The following ZNF385D variants were observed in gnomAD, a reference collection of about 807,000 sequenced individuals.
ZNF385D encodes the protein zinc finger protein 659.
A neutral mutation model predicts 35.8 loss-of-function variants in ZNF385D; 15 were observed. The observed-to-expected ratio is 0.42, with a 90% CI of 0.28 to 0.64. ZNF385D has a LOEUF of 0.64. ZNF385D is among the 30% of genes least tolerant of loss of function. ZNF385D has a pLI of 0.23. For missense variants in ZNF385D, 474 were observed against 494.6 expected (o/e 0.96, Z 0.39); for synonymous variants, 212 against 186.8 (o/e 1.13, Z -1.10).
chr3:21,440,471 T>C (rs1701803163), intron 4 of ZNF385D, among the ~76,000 whole-genome samples: 1 of 152,068 alleles, frequency 6.6e-6, no homozygotes, highest in Non-Finnish European at 1.5e-5. Context: ...TATCACAGTC[T>C]AGAGGAGCCT....
At chr3:21,733,036 G>T (rs894388760) in intron 1 of ZNF385D, among the ~76,000 whole-genome samples, 1 of 151,992 alleles carries the variant, frequency 6.6e-6, no homozygotes, top group Admixed American at 6.5e-5. Flanking sequence ...TTACATTTAT[G>T]TGTGTGATCC....
chr3:21,684,912 G>A (rs561785727), intron 1 of ZNF385D, among the ~76,000 whole-genome samples: 2 of 152,220 alleles, frequency 1.3e-5, no homozygotes, highest in South Asian at 4.1e-4. Context: ...TAGATGACAG[G>A]GATGCATTTT....
chr3:22,068,247 C>T (rs1157119946), intron 3 of ZNF385D, among the ~76,000 whole-genome samples: 1 of 152,150 alleles, frequency 6.6e-6, no homozygotes, highest in Non-Finnish European at 1.5e-5. Context: ...CACTGTGATG[C>T]TAATTCTATT....
At position 21,820,113 on chromosome 3, in the gene ZNF385D, T is replaced by G. The variant is rs371371017; in HGVS notation, c.326-155085A>C. Among the ~76,000 whole-genome samples the G allele has an allele frequency of 1.6e-4, 25 of 151,802 alleles. 1 individual carries two copies. The East Asian group carries it at 2.7e-3, about 16-fold the overall frequency. ...TTATCTAATGAGCATTTAATAAGCT[T>G]TATCTAATGGACATTTTCATTACAC... On this transcript the variant is annotated intron_variant, in intron 3 of 5. Transcript: ENST00000494108.
At chr3:21,567,620 TATC>T (rs1328312193) in intron 2 of ZNF385D, among the ~76,000 whole-genome samples, 2 of 152,136 alleles carry the variant, frequency 1.3e-5, no homozygotes, top group African/African-American at 4.8e-5. Flanking sequence ...GTAGATGCCT[TATC>T]ATGTTCTCTT....
chr3:21,924,626 A>T (rs1340773779), intron 3 of ZNF385D, among the ~76,000 whole-genome samples: 1 of 152,146 alleles, frequency 6.6e-6, no homozygotes, highest in Non-Finnish European at 1.5e-5. Context: ...ACTCTTCAAG[A>T]TAGTGTCAGA....
intron 3 of ZNF385D, among the ~76,000 whole-genome samples, chr3:21,837,078 A>C (rs1186793711): frequency 6.6e-6 from 1 of 152,072 alleles, no homozygotes; most frequent in Non-Finnish European, 1.5e-5. Context: ...TTAAAGTATA[A>C]ATTTTTTCAT....
chr3:21,452,037 G>A (rs930110134), intron 4 of ZNF385D, among the ~76,000 whole-genome samples: 7 of 152,076 alleles, frequency 4.6e-5, no homozygotes, highest in Admixed American at 2.0e-4. Flanking sequence ...TGTATGACTA[G>A]AAAACTATAT....
At chr3:21,634,979 G>A (rs111602605) in intron 2 of ZNF385D, among the ~76,000 whole-genome samples, 13 of 152,032 alleles carry the variant, frequency 8.6e-5, no homozygotes, top group Non-Finnish European at 1.6e-4. Flanking sequence ...GGAACAAACC[G>A]TGATTTCCTG....
At chr3:21,520,946 T>G (rs1444721324) in intron 3 of ZNF385D, among the ~76,000 whole-genome samples, 1 of 152,156 alleles carries the variant, frequency 6.6e-6, no homozygotes, top group Non-Finnish European at 1.5e-5. Context: ...CCTCCCTACA[T>G]AGTCACATAA....
chr3:22,000,437 T>C (rs1053452045), intron 3 of ZNF385D, among the ~76,000 whole-genome samples: 1 of 152,156 alleles, frequency 6.6e-6, no homozygotes. Context: ...GAAGTTACCC[T>C]ATATGGTCTA....
At chr3:21,732,030 GTTTTTTTTTTTTTT>G (rs1214143626) in intron 1 of ZNF385D, among the ~76,000 whole-genome samples, 1 of 37,370 alleles carries the variant, frequency 2.7e-5, no homozygotes, top group Non-Finnish European at 5.6e-5. Context: ...TTTTTTCGGG[GTTTTTTTTTTTTTT>G]TTTTTTTTTT....
intron 3 of ZNF385D, among the ~76,000 whole-genome samples, chr3:21,558,128 T>G (rs999897989): frequency 3.8e-5 from 5 of 132,326 alleles, no homozygotes; most frequent in African/African-American, 5.9e-5. Flanking sequence ...TTTTTTTTTT[T>G]GAAGGGTTTT....
At chr3:21,939,435 A>G (rs2125269315) in intron 3 of ZNF385D, among the ~76,000 whole-genome samples, 1 of 152,250 alleles carries the variant, frequency 6.6e-6, no homozygotes, top group African/African-American at 2.4e-5. Context: ...TTACCATAGA[A>G]CTCAGAAAGA....
chr3:21,657,066 A>ATG (rs926094083), intron 2 of ZNF385D, among the ~76,000 whole-genome samples: 9 of 151,738 alleles, frequency 5.9e-5, no homozygotes, highest in South Asian at 2.1e-4. Flanking sequence ...AAATATATAG[A>ATG]TGTGTGTGTG....
At chr3:21,797,254 C>T (rs766502230) in intron 3 of ZNF385D, among the ~76,000 whole-genome samples, 6 of 152,122 alleles carry the variant, frequency 3.9e-5, no homozygotes, top group Non-Finnish European at 7.3e-5. Context: ...TATATGTCAT[C>T]AGGAAAATGC....
At chr3:22,037,770 T>C (rs886743740) in intron 3 of ZNF385D, among the ~76,000 whole-genome samples, 3 of 152,172 alleles carry the variant, frequency 2.0e-5, no homozygotes, top group Non-Finnish European at 4.4e-5. Flanking sequence ...GTTTTAGACA[T>C]GAAGTCCTTG....
chr3:21,528,816 A>G (rs1414108576), intron 3 of ZNF385D, among the ~76,000 whole-genome samples: 1 of 152,188 alleles, frequency 6.6e-6, no homozygotes, highest in African/African-American at 2.4e-5. Flanking sequence ...CAAAGTAAAG[A>G]AGAGAGAGTT....
intron 2 of ZNF385D, among the ~76,000 whole-genome samples, chr3:21,632,496 G>A (rs1317711883): frequency 1.3e-5 from 2 of 151,954 alleles, no homozygotes; most frequent in South Asian, 2.1e-4. Flanking sequence ...GCTGATTTTT[G>A]TCAATTCAAA....
Sources: allele counts gnomAD v4.1 joint callset (sites outside exome capture counted in the v4.1 genomes callset), GRCh38; gene constraint gnomAD v4.1.1; transcripts MANE v1.5; gene names NCBI Gene and HGNC (gene_info 2026-07-23, HGNC 2026-07-21).